The following AFTPH variants were observed in gnomAD, a reference collection of about 807,000 sequenced individuals.
AFTPH encodes aftiphilin, also known as aftiphilin protein.
A neutral mutation model predicts 72.5 loss-of-function variants in AFTPH; 7 were observed. That is an observed-to-expected ratio of 0.10 (90% CI 0.05 to 0.18). The LOEUF is 0.18. AFTPH is among the 10% of genes least tolerant of loss of function. The probability of loss-of-function intolerance (pLI) is 1.00; values close to 1 mark genes in which losing one functional copy is unlikely to be tolerated. For synonymous variants in AFTPH, 337 were observed against 370.1 expected, an observed-to-expected ratio of 0.91 and a Z score of 1.03; for missense variants, 979 against 1,060.5, an observed-to-expected ratio of 0.92 and a Z score of 1.07.
At chr2:64,589,467 A>G (rs1419513429) in intron 8 of AFTPH, among the ~76,000 whole-genome samples, 2 of 152,236 alleles carry the variant, frequency 1.3e-5, no homozygotes, top group Non-Finnish European at 2.9e-5. Flanking sequence ...CCTTTGAGAA[A>G]TGATCATGAT....
In AFTPH at chr2:64,569,613, G is replaced by T. The variant is rs183085258; in HGVS notation, c.2215-10G>T. 175 of 1,612,916 alleles carry T rather than the reference G, an allele frequency of 1.1e-4. No individual in the cohort carries two copies. Among genetic ancestry groups the T allele is most frequent in the Admixed American group, 1.7e-4 (10 of 59,982 alleles). ...TAAATATATGTTCTTTCTGTCTAAC[G>T]TGTGTGTAGCTCTTCACGGGCAATA... On this transcript the variant is annotated splice_polypyrimidine_tract_variant and intron_variant, in intron 4 of 8. Transcript: ENST00000238856.
exon 2 of AFTPH, chr2:64,551,865 C>T: frequency 6.2e-7 from 1 of 1,613,712 alleles, no homozygotes; most frequent in Non-Finnish European, 8.5e-7. Flanking sequence ...CATGGAAAGA[C>T]CAGGAAATTT....
intron 1 of AFTPH, among the ~76,000 whole-genome samples, chr2:64,545,694 G>C (rs1670563027): frequency 8.1e-6 from 1 of 123,694 alleles, no homozygotes; most frequent in African/African-American, 4.2e-5. Flanking sequence ...GCCTCAAAGG[G>C]TTGCATACAT....
At chr2:64,528,794 T>G (rs902362812) in intron 1 of AFTPH, among the ~76,000 whole-genome samples, 8 of 152,098 alleles carry the variant, frequency 5.3e-5, no homozygotes, top group African/African-American at 1.2e-4. Context: ...AGGGGCAGTG[T>G]TTTAGGGTCC....
chr2:64,565,157 A>G (rs1671992494), intron 2 of AFTPH, among the ~76,000 whole-genome samples: 1 of 152,004 alleles, frequency 6.6e-6, no homozygotes, highest in Non-Finnish European at 1.5e-5. Flanking sequence ...ATACACTTTT[A>G]AAAATAAAAT....
intron 7 of AFTPH, chr2:64,580,052 G>A (rs1194359320): frequency 6.6e-6 from 1 of 152,634 alleles, no homozygotes; most frequent in Non-Finnish European, 1.5e-5. Flanking sequence ...TAAATTTCAC[G>A]ATCCTTTTCT....
chr2:64,552,813 C>T, exon 2 of AFTPH: 4 of 1,614,184 alleles, frequency 2.5e-6, no homozygotes, highest in Non-Finnish European at 2.5e-6. Flanking sequence ...CTCAACTCCA[C>T]CTTTTGTTAC....
intron 2 of AFTPH, 32 bp downstream of exon 2, chr2:64,553,441 G>A (rs762567886): frequency 2.0e-6 from 3 of 1,517,456 alleles, no homozygotes; most frequent in Non-Finnish European, 1.8e-6. Flanking sequence ...TTTGTATGAT[G>A]TATTAATTGT....
At chr2:64,579,608 A>C in intron 7 of AFTPH, 62 bp downstream of exon 7, 1 of 1,411,176 alleles carries the variant, frequency 7.1e-7, no homozygotes, top group East Asian at 2.3e-5. Flanking sequence ...CAAAGTTCAG[A>C]CAAACTTCTC....
chr2:64,571,262 C>A (rs1181279305), intron 5 of AFTPH, among the ~76,000 whole-genome samples: 2 of 142,056 alleles, frequency 1.4e-5, no homozygotes, highest in East Asian at 4.3e-4. Flanking sequence ...TGAGCACCGC[C>A]CCCCACCCCC....
chr2:64,590,843 A>G (rs967487407), intron 8 of AFTPH, among the ~76,000 whole-genome samples: 1 of 152,216 alleles, frequency 6.6e-6, no homozygotes, highest in Non-Finnish European at 1.5e-5. Context: ...GCCTGTAGCT[A>G]TCCTTCCTTT....
exon 3 of AFTPH, chr2:64,567,602 G>A (rs1421425676): frequency 1.9e-6 from 3 of 1,613,196 alleles, no homozygotes; most frequent in East Asian, 2.2e-5. Flanking sequence ...TTCGAAGCAT[G>A]TTTTCCTTCC....
intron 1 of AFTPH, among the ~76,000 whole-genome samples, chr2:64,543,067 GA>G (rs1408119748): frequency 2.0e-5 from 3 of 152,232 alleles, no homozygotes; most frequent in African/African-American, 7.2e-5. Context: ...TGGCTGTGGA[GA>G]GAATAATTTT....
intron 1 of AFTPH, among the ~76,000 whole-genome samples, chr2:64,529,780 C>T (rs996328569): frequency 1.3e-5 from 2 of 151,986 alleles, no homozygotes; most frequent in African/African-American, 4.8e-5. Flanking sequence ...CGGGCGCACA[C>T]CACCATGCCT....
At chr2:64,560,906 A>G (rs1400497692) in intron 2 of AFTPH, among the ~76,000 whole-genome samples, 1 of 152,176 alleles carries the variant, frequency 6.6e-6, no homozygotes, top group Non-Finnish European at 1.5e-5. Flanking sequence ...ATAGGGAGGC[A>G]AATCAGAATT....
chr2:64,580,575 C>A (rs1200000001), intron 7 of AFTPH: 1 of 152,554 alleles, frequency 6.6e-6, no homozygotes, highest in Non-Finnish European at 1.5e-5. Context: ...TTTTTATTAA[C>A]AAACAACTTC....
intron 5 of AFTPH, among the ~76,000 whole-genome samples, chr2:64,572,331 T>C (rs1332133440): frequency 6.6e-6 from 1 of 152,098 alleles, no homozygotes; most frequent in East Asian, 1.9e-4. Flanking sequence ...TCCAAGGAAC[T>C]AAGTCTCCAG....
At chr2:64,551,343 T>C (rs1558605615) in intron 1 of AFTPH, 100 bp from the exon 2 acceptor site, 1 of 904,824 alleles carries the variant, frequency 1.1e-6, no homozygotes, top group Non-Finnish European at 1.6e-6. Flanking sequence ...AATAGAGCAT[T>C]GTAAATTTGC....
intron 1 of AFTPH, among the ~76,000 whole-genome samples, chr2:64,535,806 A>G (rs1013755975): frequency 6.6e-6 from 1 of 152,210 alleles, no homozygotes; most frequent in African/African-American, 2.4e-5. Flanking sequence ...GCCAGTGGAG[A>G]ATCCAGAGGT....
Sources: gnomAD v4.1 joint callset for allele counts (sites outside exome capture counted in the v4.1 genomes callset) on GRCh38, gnomAD v4.1.1 for gene constraint, MANE v1.5 for transcripts, NCBI Gene and HGNC (gene_info 2026-07-23, HGNC 2026-07-21) for gene names.